The following PDK3 variants were observed in gnomAD, a reference collection of about 807,000 sequenced individuals.
The protein encoded by PDK3 is pyruvate dehydrogenase kinase 3.
Under a neutral mutation model 32.0 loss-of-function variants are expected in PDK3, and 12 were observed. That is an observed-to-expected ratio of 0.37 (90% CI 0.24 to 0.61). PDK3 has a LOEUF of 0.61. PDK3 is among the 20% of genes least tolerant of loss of function. The probability of loss-of-function intolerance (pLI) is 0.65; values close to 1 mark genes in which losing one functional copy is unlikely to be tolerated. For missense variants in PDK3, 188 were observed against 316.9 expected (o/e 0.59, Z 3.09); for synonymous variants, 122 against 116.3 (o/e 1.05, Z -0.31).
chrX:24,505,362 G>A (rs1921956986), intron 5 of PDK3, 64 bp downstream of exon 5: 1 of 868,155 alleles, frequency 1.2e-6, no homozygotes, highest in Admixed American at 2.3e-5. Context: ...ATTGGAGGCA[G>A]CTTGGCTATA....
At chrX:24,535,486 T>C (rs1450241455), downstream of PDK3, among the ~76,000 whole-genome samples, 26 of 84,212 alleles carry the variant, frequency 3.1e-4, 1 homozygote, top group African/African-American at 1.3e-3. Flanking sequence ...GCCTGGGCGA[T>C]AGAGCTAGAC....
At chrX:24,496,771 CTTTTTTTTTTTTTTTTT>C (rs376346872) in intron 2 of PDK3, among the ~76,000 whole-genome samples, 135 of 35,413 alleles carry the variant, frequency 3.8e-3, no homozygotes, top group African/African-American at 0.019. Flanking sequence ...TCAAAATAAT[CTTTTTTTTTTTTTTTTT>C]TTTTTTTTTT....
downstream of PDK3, among the ~76,000 whole-genome samples, chrX:24,536,427 A>T: frequency 9.0e-6 from 1 of 111,029 alleles, no homozygotes; most frequent in Non-Finnish European, 1.9e-5. Flanking sequence ...GCTCTTCCTC[A>T]TCAAATAAGG....
At chrX:24,542,273 T>A (rs376654560) in exon 12 of PDK3, among the ~76,000 whole-genome samples, 19 of 112,691 alleles carry the variant, frequency 1.7e-4, no homozygotes, top group African/African-American at 5.8e-4. Flanking sequence ...CAGAATTCTT[T>A]CCATCCAAAC....
At chrX:24,485,696 G>A (rs1186753024) in intron 1 of PDK3, among the ~76,000 whole-genome samples, 1 of 111,976 alleles carries the variant, frequency 8.9e-6, no homozygotes, top group Non-Finnish European at 1.9e-5. Context: ...CTTCTCTAAA[G>A]ACACTGATGG....
intron 1 of PDK3, among the ~76,000 whole-genome samples, chrX:24,484,603 C>A (rs1264845691): frequency 1.8e-5 from 2 of 112,139 alleles, no homozygotes. Context: ...GGGACTACTA[C>A]CTTAATTAAG....
chrX:24,505,560 C>CAA (rs1298074598), intron 5 of PDK3, among the ~76,000 whole-genome samples: 1 of 112,215 alleles, frequency 8.9e-6, no homozygotes, highest in Non-Finnish European at 1.9e-5. Flanking sequence ...AGTTCTGTCT[C>CAA]AAACAGTAAA....
chrX:24,470,433 T>A (rs1156375735), intron 1 of PDK3, among the ~76,000 whole-genome samples: 1 of 111,202 alleles, frequency 9.0e-6, no homozygotes, highest in African/African-American at 3.3e-5. Context: ...ATGCCTGTAA[T>A]CCCAGCACTT....
intron 1 of PDK3, 130 bp downstream of exon 1, chrX:24,465,691 C>T (rs898748045): frequency 2.6e-5 from 13 of 498,535 alleles, no homozygotes; most frequent in Non-Finnish European, 3.9e-5. Context: ...CCGGGGGGCT[C>T]TCCTGGGGCT....
chrX:24,549,391 T>C (rs1356754201), exon 12 of PDK3: 1 of 112,217 alleles, frequency 8.9e-6, no homozygotes, highest in East Asian at 2.8e-4. Context: ...AATTACCAAG[T>C]GTATCTTGAC....
At chrX:24,539,144 A>C (rs141326782), downstream of PDK3, 3,121 of 1,122,899 alleles carry the variant, frequency 2.8e-3, 53 homozygotes, top group African/African-American at 0.047. Context: ...AGACAAGATC[A>C]AGACTAATAG....
At chrX:24,470,432 A>T (rs1171458394) in intron 1 of PDK3, among the ~76,000 whole-genome samples, 2 of 111,276 alleles carry the variant, frequency 1.8e-5, no homozygotes, top group African/African-American at 6.5e-5. Flanking sequence ...CATGCCTGTA[A>T]TCCCAGCACT....
intron 1 of PDK3, among the ~76,000 whole-genome samples, chrX:24,469,883 A>G (rs910785586): frequency 8.9e-6 from 1 of 112,437 alleles, no homozygotes; most frequent in Admixed American, 9.4e-5. Context: ...AAATTAACAT[A>G]TCTATCATCT....
intron 1 of PDK3, among the ~76,000 whole-genome samples, chrX:24,478,937 C>T (rs1294205685): frequency 8.9e-6 from 1 of 112,259 alleles, no homozygotes; most frequent in East Asian, 2.8e-4. Context: ...TATCATCTCT[C>T]TAACATTTTC....
At chrX:24,488,203 C>T (rs996865448) in intron 1 of PDK3, among the ~76,000 whole-genome samples, 4 of 111,025 alleles carry the variant, frequency 3.6e-5, no homozygotes, top group African/African-American at 1.3e-4. Flanking sequence ...GCTAAACGCT[C>T]TTGGCTACCT....
At chrX:24,529,269 A>G (rs1448941723) in intron 9 of PDK3, among the ~76,000 whole-genome samples, 2 of 112,089 alleles carry the variant, frequency 1.8e-5, no homozygotes, top group Admixed American at 1.9e-4. Flanking sequence ...GATAGCTGTT[A>G]TATCATAGGT....
intron 5 of PDK3, among the ~76,000 whole-genome samples, chrX:24,518,532 A>G (rs1253888551): frequency 9.0e-6 from 1 of 110,747 alleles, no homozygotes; most frequent in African/African-American, 3.3e-5. Context: ...AAGAAAAGAG[A>G]GATTGGCTGG....
intron 1 of PDK3, among the ~76,000 whole-genome samples, chrX:24,474,073 A>G (rs1348991938): frequency 9.0e-6 from 1 of 111,637 alleles, no homozygotes; most frequent in Non-Finnish European, 1.9e-5. Flanking sequence ...TGGTTCCCAT[A>G]TTAACCACTT....
chrX:24,549,487 G>A (rs1923058974), exon 12 of PDK3: 1 of 112,041 alleles, frequency 8.9e-6, no homozygotes, highest in East Asian at 2.8e-4. Context: ...TTTATTCACT[G>A]TTGGAGGAAT....
Sources: allele counts gnomAD v4.1 joint callset (sites outside exome capture counted in the v4.1 genomes callset), GRCh38; gene constraint gnomAD v4.1.1; transcripts MANE v1.5; gene names NCBI Gene and HGNC (gene_info 2026-07-23, HGNC 2026-07-21).